Variants in CHD3 observed in about 807,000 individuals in gnomAD.
CHD3 encodes ATP-dependent chromatin remodeler CHD3.
A neutral mutation model predicts 248.9 loss-of-function variants in CHD3; 52 were observed. That is an observed-to-expected ratio of 0.21 (90% CI 0.17 to 0.26). The LOEUF (loss-of-function observed/expected upper bound fraction) is 0.26. Among genes scored for constraint, CHD3 ranks in the 10% least tolerant of loss-of-function variants. The probability of loss-of-function intolerance (pLI) is 1.00; values close to 1 mark genes in which losing one functional copy is unlikely to be tolerated. For synonymous variants in CHD3, 985 were observed against 985.2 expected, an observed-to-expected ratio of 1.00 and a Z score of 0.00; for missense variants, 1,482 against 2,605.8, an observed-to-expected ratio of 0.57 and a Z score of 9.39.
rs748229722 is a variant in CHD3 at position 7,897,576 on chromosome 17, A to C, written c.1919+282A>C. Among the ~76,000 whole-genome samples the C allele has an allele frequency of 1.4e-4, 21 of 152,080 alleles. No homozygotes were observed. The highest frequency in any genetic ancestry group is 2.9e-4 in the Non-Finnish European group (20 of 68,012). ...GGGGATGAGGGCATGAAAGCAAAAC[A>C]TGAGAGACATAATTCATCCAGACCA... On this transcript the variant is annotated intron_variant, in intron 11 of 39. Transcript: ENST00000330494. The surrounding 1 kb of genome is among the most constrained non-coding windows in gnomAD (Gnocchi z 4.8).
chr17:7,910,483 G>C lies in CHD3; in HGVS notation c.5646G>C (p.Leu1882=), dbSNP rs779302301. The C allele has an allele frequency of 6.2e-7, 1 of 1,613,932 alleles. No homozygotes were observed. The highest frequency in any genetic ancestry group is 8.5e-7 in the Non-Finnish European group (1 of 1,180,040). ...ACATGAAGGCGGACGTGACCCGCCT[G>C]CCAGCCACGCTGTCCCGAATACCCC... ...LSDMKADVTR[L]PATLSRIPPI... Residue 1882 remains leucine, a synonymous_variant, in exon 38 of 40, where the codon CTG becomes CTC. Transcript: ENST00000330494. This position sits in a 1 kb window ranked among gnomAD's most constrained non-coding sequence, Gnocchi z 4.7.
In CHD3 at chr17:7,897,895, T is replaced by A; in HGVS notation, c.1920-76T>A. ...TTTGTGTGTTTGCTGATAATTGCGTTTCTCAGGCCTTCTTTCTGTTTGTGA... is the reference window on the plus strand; with the variant it reads ...TTTGTGTGTTTGCTGATAATTGCGTATCTCAGGCCTTCTTTCTGTTTGTGA... On this transcript the variant is annotated intron_variant, in intron 11 of 39. Transcript: ENST00000330494. This position sits in a 1 kb window ranked among gnomAD's most constrained non-coding sequence, Gnocchi z 4.8. 1 of 1,492,710 alleles carries A rather than the reference T, an allele frequency of 6.7e-7. No homozygotes were observed. The highest frequency in any genetic ancestry group is 9.0e-7 in the Non-Finnish European group (1 of 1,109,740). 92.5% of individuals were successfully genotyped at this position (1,492,710 alleles called of 1,614,324 possible). A position where few individuals can be genotyped will look rare whatever the true frequency, so the allele number is the denominator to read the frequency against.
In CHD3 at chr17:7,909,146, C is replaced by T; in HGVS notation, c.5398C>T (p.Leu1800=). The T allele has an allele frequency of 1.3e-6, 2 of 1,555,598 alleles. No homozygotes were observed. The highest frequency in any genetic ancestry group is 8.7e-7 in the Non-Finnish European group (1 of 1,150,224). ...CCTCCCAACTCTGTGCCCTCAGCTC[C>T]TGGAGCAGGCGCTGGTGATTGAGGA... ...NKFLARRFKL[L]EQALVIEEQL... is the part of the protein sequence containing the mutation. Residue 1800 remains leucine (L), a synonymous_variant, in exon 37 of 40, where the codon CTG becomes TTG. Coordinates refer to ENST00000330494, the MANE Select transcript of CHD3 (RefSeq NM_001005273.3). The surrounding 1 kb of genome is among the most constrained non-coding windows in gnomAD (Gnocchi z 8.1).
chr17:7,908,050 T>C lies in CHD3; in HGVS notation c.5152+31T>C. The C allele has an allele frequency of 6.4e-7, 1 of 1,571,794 alleles. No homozygotes were observed. Among genetic ancestry groups the C allele is most frequent in the Non-Finnish European group, 8.7e-7 (1 of 1,154,128 alleles). On this transcript the variant is annotated intron_variant, in intron 34 of 39. Transcript: ENST00000330494. The surrounding 1 kb of genome is among the most constrained non-coding windows in gnomAD (Gnocchi z 5.8). Reference sequence around the variant, plus strand: ...GGAGACTCTCGCTGCTTTCTGCTCCTCAAGGGGATCTGCTCATCCTCATGG... The same window carrying C: ...GGAGACTCTCGCTGCTTTCTGCTCCCCAAGGGGATCTGCTCATCCTCATGG...
In CHD3 at chr17:7,906,099, C is replaced by T; in HGVS notation, c.4358+110C>T. 2.1e-6 allele frequency: 3 copies of T among 1,462,470 alleles called. No individual in the cohort carries two copies. The highest frequency in any genetic ancestry group is 2.8e-6 in the Non-Finnish European group (3 of 1,052,722). The allele number at this position is 1,462,470 out of a possible 1,614,324, so 90.6% of individuals were successfully genotyped here. ...GTGACCTTACTCAACTGATTATCAC[C>T]CTCCCTGTCATACAATACTTCCTGG... is the stretch of plus-strand genomic sequence containing the variant. On this transcript the variant is annotated intron_variant, in intron 28 of 39. Coordinates refer to ENST00000330494, the MANE Select transcript of CHD3 (RefSeq NM_001005273.3). This position sits in a 1 kb window ranked among gnomAD's most constrained non-coding sequence, Gnocchi z 5.0.
Position 7,889,094 on chromosome 17 carries a change from A to C in CHD3, c.94A>C (p.Met32Leu). The change falls in exon 1 of 40, where the codon ATG (methionine) becomes CTG (leucine). Residue 32 changes from methionine to leucine, a missense_variant. Physicochemically the swap from Met to Leu is conservative, Grantham distance 15. This residue lies in a region of CHD3 where 169 missense variants were observed against 168.1 expected (regional missense o/e 1.01). Coordinates refer to ENST00000330494, the MANE Select transcript of CHD3 (RefSeq NM_001005273.3). This position sits in a 1 kb window ranked among gnomAD's most constrained non-coding sequence, Gnocchi z 4.5. ...FPPGLCWGDRMPDKDDIRLLP... is the reference protein window; with the variant it reads ...FPPGLCWGDRLPDKDDIRLLP... Reference sequence around the variant, plus strand: ...TCCAGGACTGTGTTGGGGTGACAGGATGCCTGGTAATTATCCGAGGAAATG... The same window carrying C: ...TCCAGGACTGTGTTGGGGTGACAGGCTGCCTGGTAATTATCCGAGGAAATG... 1.2e-6 allele frequency: 2 copies of C among 1,614,202 alleles called. No individual in the cohort carries two copies. The highest frequency in any genetic ancestry group is 1.7e-6 in the Non-Finnish European group (2 of 1,180,008).
chr17:7,895,611 C>A lies in CHD3; in HGVS notation c.1707+69C>A. 7.2e-7 allele frequency: 1 copy of A among 1,381,944 alleles called. No individual in the cohort carries two copies. The highest frequency in any genetic ancestry group is 1.0e-6 in the Non-Finnish European group (1 of 979,620). 85.6% of individuals were successfully genotyped at this position (1,381,944 alleles called of 1,614,324 possible). On this transcript the variant is annotated intron_variant, in intron 10 of 39. Coordinates refer to ENST00000330494, the MANE Select transcript of CHD3 (RefSeq NM_001005273.3). This position sits in a 1 kb window ranked among gnomAD's most constrained non-coding sequence, Gnocchi z 4.9. ...CTGCCATCCTCTCCCTCTCTTACTCCTCTGTTTGTTGGGTTCCCATACTCT... is the reference window on the plus strand; with the variant it reads ...CTGCCATCCTCTCCCTCTCTTACTCATCTGTTTGTTGGGTTCCCATACTCT...
rs201826381 is a variant in CHD3 at position 7,894,404 on chromosome 17, G to T, written c.1076-11G>T. The stretch of plus-strand genomic sequence containing the variant: ...CCTGCTTCCTTATCCCTCCACCGGG[G>T]TATATGACAGTCCTGGGCTGTCCTG... On this transcript the variant is annotated splice_polypyrimidine_tract_variant and intron_variant, in intron 7 of 39. Transcript: ENST00000330494. 27 of 1,607,718 alleles carry T rather than the reference G, an allele frequency of 1.7e-5. No individual in the cohort carries two copies. In the East Asian group the frequency reaches 1.8e-4, roughly 11 times the overall value.
At position 7,897,203 on chromosome 17, in the gene CHD3, A is replaced by G; in HGVS notation, c.1828A>G (p.Lys610Glu). The change falls in exon 11 of 40, where the codon AAA becomes GAA. Residue 610 changes from lysine to glutamate, a missense_variant. Around this residue, in one of 20 missense-constraint regions of CHD3, gnomAD observed 127 missense variants for 188.3 expected, o/e 0.67. Coordinates refer to ENST00000330494, the MANE Select transcript of CHD3 (RefSeq NM_001005273.3). This position sits in a 1 kb window ranked among gnomAD's most constrained non-coding sequence, Gnocchi z 4.8. Reference protein sequence around the residue: ...DDGKSDKRKVKDPHYAEMEEK... With the variant: ...DDGKSDKRKVEDPHYAEMEEK... ...TGGGAAGAGCGACAAGCGTAAAGTG[A>G]AAGACCCGCACTATGCTGAGATGGA... 6.2e-7 allele frequency: 1 copy of G among 1,614,194 alleles called. No individual in the cohort carries two copies. Among genetic ancestry groups the G allele is most frequent in the South Asian group, 1.1e-5 (1 of 91,080 alleles).
Position 7,910,312 on chromosome 17 carries a change from C to A in CHD3, c.5591-116C>A. On this transcript the variant is annotated intron_variant, in intron 37 of 39. Coordinates refer to ENST00000330494, the MANE Select transcript of CHD3 (RefSeq NM_001005273.3). This position sits in a 1 kb window ranked among gnomAD's most constrained non-coding sequence, Gnocchi z 4.7. ...CTGGTTCTTTGACATCTGTGTTCTC[C>A]TCTCTCGCTCTTTTTCTGCCTGTAT... 1 of 1,271,428 alleles carries A rather than the reference C, an allele frequency of 7.9e-7. No homozygotes were observed. Among genetic ancestry groups the A allele is most frequent in the Non-Finnish European group, 1.1e-6 (1 of 873,400 alleles). 78.8% of individuals were successfully genotyped at this position (1,271,428 alleles called of 1,614,324 possible).
In CHD3 at chr17:7,900,546, T is replaced by G; in HGVS notation, c.2805-12T>G. On this transcript the variant is annotated splice_polypyrimidine_tract_variant and intron_variant, in intron 17 of 39. Coordinates refer to ENST00000330494, the MANE Select transcript of CHD3 (RefSeq NM_001005273.3). The surrounding 1 kb of genome is among the most constrained non-coding windows in gnomAD (Gnocchi z 6.5). Reference sequence around the variant, plus strand: ...TGCCGACCTGTTAATTTTCTTCTCTTCTGGCTCTTAGCAACTTGGAGGGCT... The same window carrying G: ...TGCCGACCTGTTAATTTTCTTCTCTGCTGGCTCTTAGCAACTTGGAGGGCT... 5.0e-6 allele frequency: 8 copies of G among 1,612,290 alleles called. No homozygotes were observed. Among genetic ancestry groups the G allele is most frequent in the Non-Finnish European group, 6.8e-6 (8 of 1,178,466 alleles).
In CHD3 at chr17:7,904,191, C is replaced by T; in HGVS notation, c.3894+200C>T. The T allele has an allele frequency of 3.2e-6, 2 of 632,800 alleles. No individual in the cohort carries two copies. Among genetic ancestry groups the T allele is most frequent in the South Asian group, 2.0e-5 (1 of 49,920 alleles). 39.2% of individuals were successfully genotyped at this position (632,800 alleles called of 1,614,324 possible). On this transcript the variant is annotated intron_variant, in intron 24 of 39. Coordinates refer to ENST00000330494, the MANE Select transcript of CHD3 (RefSeq NM_001005273.3). This position sits in a 1 kb window ranked among gnomAD's most constrained non-coding sequence, Gnocchi z 4.4. Reference sequence around the variant, plus strand: ...AGTACTGGTAAACACAGAAGGGTACCTTCTGAGACAGTGCAGGAGAAACAC... The same window carrying T: ...AGTACTGGTAAACACAGAAGGGTACTTTCTGAGACAGTGCAGGAGAAACAC...
rs908717395 is a variant in CHD3, at chr17:7,908,161, T to C, written c.5152+142T>C. On this transcript the variant is annotated intron_variant, in intron 34 of 39. Transcript: ENST00000330494. This position sits in a 1 kb window ranked among gnomAD's most constrained non-coding sequence, Gnocchi z 5.8. ...TATGTTGCATGCTGACTCCGATCCT[T>C]GCTCTAAATCTTTCTTAAGTATCCC... 7 of 1,106,070 alleles carry C rather than the reference T, an allele frequency of 6.3e-6. No individual in the cohort carries two copies. In the African/African-American group the frequency reaches 1.1e-4, roughly 17 times the overall value. The allele number at this position is 1,106,070 out of a possible 1,614,324, so 68.5% of individuals were successfully genotyped here.
rs74903197 is a variant in CHD3, at chr17:7,903,028, T to C, written c.3462T>C (p.Phe1154=). The C allele has an allele frequency of 1.3e-3, 2,144 of 1,614,136 alleles. 51 individuals are homozygous for C. In the East Asian group the frequency reaches 0.04, roughly 30 times the overall value. ...NLATADTVII[F]DSDWNPHNDI... is the part of the protein sequence containing the mutation. ...CCACTGCTGACACTGTCATCATCTT[T>C]GATTCTGACTGGAACCCCCATAATG... is the stretch of plus-strand genomic sequence containing the variant. The change falls in exon 22 of 40, where the codon TTT becomes TTC. Residue 1154 remains phenylalanine (F), a synonymous_variant. Coordinates refer to ENST00000330494, the MANE Select transcript of CHD3 (RefSeq NM_001005273.3). This position sits in a 1 kb window ranked among gnomAD's most constrained non-coding sequence, Gnocchi z 6.8.
In CHD3 at chr17:7,911,431, A is replaced by T; in HGVS notation, c.5882-33A>T. ...GAAGTGACGTTTGAGAGTGATCTGGAGATTGATCTTTCCTTACCCCTTTCC... is the reference window on the plus strand; with the variant it reads ...GAAGTGACGTTTGAGAGTGATCTGGTGATTGATCTTTCCTTACCCCTTTCC... On this transcript the variant is annotated intron_variant, in intron 39 of 39. Coordinates refer to ENST00000330494, the MANE Select transcript of CHD3 (RefSeq NM_001005273.3). This position sits in a 1 kb window ranked among gnomAD's most constrained non-coding sequence, Gnocchi z 5.4. 1 of 1,613,950 alleles carries T rather than the reference A, an allele frequency of 6.2e-7. No homozygotes were observed.
chr17:7,909,354 GC>G lies in CHD3; in HGVS notation c.5590+20del. 1 of 1,529,934 alleles carries G rather than the reference GC, an allele frequency of 6.5e-7. No individual in the cohort carries two copies. 94.8% of individuals were successfully genotyped at this position (1,529,934 alleles called of 1,614,324 possible). A position where few individuals can be genotyped will look rare whatever the true frequency, so the allele number is the denominator to read the frequency against. On this transcript the variant is annotated intron_variant, in intron 37 of 39. Coordinates refer to ENST00000330494, the MANE Select transcript of CHD3 (RefSeq NM_001005273.3). The surrounding 1 kb of genome is among the most constrained non-coding windows in gnomAD (Gnocchi z 8.1). ...CTGCACAAGGGTAAGGGCCGCGGCG[GC>G]CCCGCGCGGGGGAGGGCCCACAACG...
In CHD3 at chr17:7,906,105, T is replaced by C; in HGVS notation, c.4358+116T>C. ...TTACTCAACTGATTATCACCCTCCC[T>C]GTCATACAATACTTCCTGGCTCGAT... On this transcript the variant is annotated intron_variant, in intron 28 of 39. Coordinates refer to ENST00000330494, the MANE Select transcript of CHD3 (RefSeq NM_001005273.3). The surrounding 1 kb of genome is among the most constrained non-coding windows in gnomAD (Gnocchi z 5.0). The C allele has an allele frequency of 7.0e-7, 1 of 1,425,356 alleles. No homozygotes were observed. 88.3% of individuals were successfully genotyped at this position (1,425,356 alleles called of 1,614,324 possible).
At position 7,906,295 on chromosome 17, in the gene CHD3, G is replaced by A. The variant is rs1219377502; in HGVS notation, c.4359-258G>A. The A allele has an allele frequency of 1.5e-6, 1 of 683,902 alleles. No individual in the cohort carries two copies. Among genetic ancestry groups the A allele is most frequent in the East Asian group, 2.5e-5 (1 of 39,326 alleles). 42.4% of individuals were successfully genotyped at this position (683,902 alleles called of 1,614,324 possible). A position where few individuals can be genotyped will look rare whatever the true frequency, so the allele number is the denominator to read the frequency against. On this transcript the variant is annotated intron_variant, in intron 28 of 39. Coordinates refer to ENST00000330494, the MANE Select transcript of CHD3 (RefSeq NM_001005273.3). This position sits in a 1 kb window ranked among gnomAD's most constrained non-coding sequence, Gnocchi z 5.0. ...CAATAACCTGGCAGGAGGAGCTGGT[G>A]GAAAGGATGAAGAGCTGACTGATGG...
In CHD3 at chr17:7,897,421, C is replaced by A; in HGVS notation, c.1919+127C>A. Reference sequence around the variant, plus strand: ...CTAACCTTGATAACCTCTGCTGTAGCTCCAGCCTTTCTGGCCTTGTTTCCT... The same window carrying A: ...CTAACCTTGATAACCTCTGCTGTAGATCCAGCCTTTCTGGCCTTGTTTCCT... On this transcript the variant is annotated intron_variant, in intron 11 of 39. Transcript: ENST00000330494. The surrounding 1 kb of genome is among the most constrained non-coding windows in gnomAD (Gnocchi z 4.8). 1 of 842,512 alleles carries A rather than the reference C, an allele frequency of 1.2e-6. No individual in the cohort carries two copies. The highest frequency in any genetic ancestry group is 1.8e-6 in the Non-Finnish European group (1 of 542,278). The allele number at this position is 842,512 out of a possible 1,614,324, so 52.2% of individuals were successfully genotyped here.
Sources: gnomAD v4.1 joint callset for allele counts (sites outside exome capture counted in the v4.1 genomes callset) on GRCh38, gnomAD v4.1.1 for gene constraint, gnomAD v4.1.1 regional missense constraint, Gnocchi (gnomAD v3.1) non-coding constraint, MANE v1.5 for transcripts, NCBI Gene and HGNC (gene_info 2026-07-23, HGNC 2026-07-21) for gene names.